CRISP2: variants seen among roughly 807,000 people sequenced by gnomAD.
The protein encoded by CRISP2 is cysteine-rich secretory protein 2.
In CRISP2, 29 loss-of-function variants were observed where a neutral mutation model predicts 31.7. That is an observed-to-expected ratio of 0.92 (90% CI 0.68 to 1.25). The LOEUF (loss-of-function observed/expected upper bound fraction) is 1.25. Ranked by LOEUF, CRISP2 falls within the 50% of genes most tolerant of loss-of-function variation. The pLI is 0.00. For missense variants in CRISP2, 318 were observed against 286.5 expected (o/e 1.11, Z -0.79); for synonymous variants, 111 against 101.4 (o/e 1.09, Z -0.57).
intron 3 of CRISP2, among the ~76,000 whole-genome samples, chr6:49,709,946 A>G (rs1767712264): frequency 6.6e-6 from 1 of 152,202 alleles, no homozygotes; most frequent in African/African-American, 2.4e-5. Context: ...CTTTCTCAAT[A>G]TGTCAAAAAG....
chr6:49,709,337 AAAG>A (rs1168969437), intron 3 of CRISP2, 132 bp from the exon 4 acceptor site: 2 of 763,820 alleles, frequency 2.6e-6, no homozygotes, highest in East Asian at 5.5e-5. Context: ...CAATGGAACA[AAAG>A]AAGAATTGCC....
chr6:49,691,755 C>T (rs1377999931), downstream of CRISP2, among the ~76,000 whole-genome samples: 1 of 151,804 alleles, frequency 6.6e-6, no homozygotes, highest in Non-Finnish European at 1.5e-5. Context: ...TGTGGTGAAA[C>T]CATTTGGGGG....
At chr6:49,691,153 C>CA (rs1764039151), downstream of CRISP2, among the ~76,000 whole-genome samples, 1 of 151,996 alleles carries the variant, frequency 6.6e-6, no homozygotes, top group Non-Finnish European at 1.5e-5. Context: ...TAAAACCTTT[C>CA]AAATGCCACC....
chr6:49,697,769 T>C lies in CRISP2; in HGVS notation c.515+91A>G, dbSNP rs574083901. Reference sequence around the variant, plus strand: ...GTTTATCCCCTCCCTTTTATTGAGATATGTTTTCATTCTGGTTTAAGATAT... The same window carrying C: ...GTTTATCCCCTCCCTTTTATTGAGACATGTTTTCATTCTGGTTTAAGATAT... On this transcript the variant is annotated intron_variant, in intron 8 of 9. Coordinates refer to ENST00000339139, the MANE Select transcript of CRISP2 (RefSeq NM_003296.4). 3.1e-5 allele frequency: 50 copies of C among 1,600,508 alleles called. No individual in the cohort carries two copies. The Middle Eastern group carries it at 1.0e-3, about 32-fold the overall frequency.
chr6:49,691,033 T>A (rs62413605), downstream of CRISP2, among the ~76,000 whole-genome samples: 6,427 of 152,046 alleles, frequency 0.042, 206 homozygotes, highest in South Asian at 0.12. Context: ...TCCTACTACC[T>A]GAAAGTATTT....
At chr6:49,705,862 T>G (rs1483510075) in intron 4 of CRISP2, among the ~76,000 whole-genome samples, 7 of 152,178 alleles carry the variant, frequency 4.6e-5, no homozygotes, top group African/African-American at 1.4e-4. Flanking sequence ...CCCTCACGCT[T>G]TGGGCCCTCA....
intron 5 of CRISP2, among the ~76,000 whole-genome samples, chr6:49,700,227 G>C (rs987942251): frequency 6.6e-6 from 1 of 152,022 alleles, no homozygotes; most frequent in African/African-American, 2.4e-5. Context: ...TAATAAGATG[G>C]CCAACGTTAT....
At chr6:49,697,526 TAGAG>T in intron 8 of CRISP2, 1 of 394,636 alleles carries the variant, frequency 2.5e-6, no homozygotes. Flanking sequence ...TCTATACTCC[TAGAG>T]TATGAAATTA....
chr6:49,680,101 G>A, the CRISP2 span, among the ~76,000 whole-genome samples: 2 of 152,008 alleles, frequency 1.3e-5, no homozygotes, highest in Non-Finnish European at 2.9e-5. Context: ...CATCACCCAG[G>A]TATTAGGCCT....
At chr6:49,708,805 T>TA (rs1289081152) in intron 4 of CRISP2, among the ~76,000 whole-genome samples, 3 of 152,188 alleles carry the variant, frequency 2.0e-5, no homozygotes, top group Non-Finnish European at 4.4e-5. Flanking sequence ...GATGCAATAT[T>TA]AAAAAAATGA....
intron 9 of CRISP2, among the ~76,000 whole-genome samples, chr6:49,695,158 A>T (rs1341108806): frequency 6.6e-6 from 1 of 152,184 alleles, no homozygotes; most frequent in Non-Finnish European, 1.5e-5. Context: ...GAAAGCCAGC[A>T]GCTATTTTTA....
intron 4 of CRISP2, among the ~76,000 whole-genome samples, chr6:49,706,378 T>C (rs539125025): frequency 6.6e-6 from 1 of 152,052 alleles, no homozygotes; most frequent in Non-Finnish European, 1.5e-5. Flanking sequence ...TTTGTAAAAC[T>C]AAAAAAAATT....
intron 8 of CRISP2, 184 bp downstream of exon 8, chr6:49,697,676 C>A: frequency 6.7e-7 from 1 of 1,494,364 alleles, no homozygotes. Context: ...GTTTTTATAC[C>A]TGAAAGTGAG....
In CRISP2 at chr6:49,692,735, C is replaced by A. The variant is rs761354474; in HGVS notation, c.*38G>T. Reference sequence around the variant, plus strand: ...TATGTCGCAATTAAATGATGCAGCCCTTATCCATGCAGTCTTGCACAATGC... The same window carrying A: ...TATGTCGCAATTAAATGATGCAGCCATTATCCATGCAGTCTTGCACAATGC... On this transcript the variant is annotated 3_prime_UTR_variant, in exon 10 of 10. Transcript: ENST00000339139. 7 of 1,575,680 alleles carry A rather than the reference C, an allele frequency of 4.4e-6. No individual in the cohort carries two copies. Among genetic ancestry groups the A allele is most frequent in the Non-Finnish European group, 5.2e-6 (6 of 1,153,432 alleles).
chr6:49,695,813 C>A, intron 9 of CRISP2, 23 bp downstream of exon 9: 3 of 1,442,220 alleles, frequency 2.1e-6, no homozygotes, highest in South Asian at 1.2e-5. Context: ...TAAATAATAG[C>A]AAGCTAATCA....
intron 9 of CRISP2, among the ~76,000 whole-genome samples, chr6:49,695,044 G>GA (rs1459284078): frequency 3.3e-5 from 5 of 151,956 alleles, no homozygotes; most frequent in Admixed American, 2.0e-4. Flanking sequence ...AACTGAGTCA[G>GA]AAAAAATGCT....
chr6:49,707,533 C>T (rs1767281312), intron 4 of CRISP2, among the ~76,000 whole-genome samples: 1 of 151,988 alleles, frequency 6.6e-6, no homozygotes, highest in Non-Finnish European at 1.5e-5. Context: ...TGAGATGTTA[C>T]AGGGGATTGG....
At chr6:49,703,647 C>CT (rs1766498449) in intron 4 of CRISP2, among the ~76,000 whole-genome samples, 1 of 152,130 alleles carries the variant, frequency 6.6e-6, no homozygotes, top group Non-Finnish European at 1.5e-5. Context: ...AGCTGTACTA[C>CT]TGATTTGTGT....
At chr6:49,681,432 T>C in the CRISP2 span, among the ~76,000 whole-genome samples, 1 of 152,030 alleles carries the variant, frequency 6.6e-6, no homozygotes, top group Non-Finnish European at 1.5e-5. Flanking sequence ...GATTAAGCAT[T>C]TTTTCAACTA....
Sources: allele counts gnomAD v4.1 joint callset (sites outside exome capture counted in the v4.1 genomes callset), GRCh38; gene constraint gnomAD v4.1.1; transcripts MANE v1.5; gene names NCBI Gene and HGNC (gene_info 2026-07-23, HGNC 2026-07-21).